The following ZNF827 variants were observed in gnomAD, a reference collection of about 807,000 sequenced individuals.
ZNF827 encodes the protein zinc finger protein 827.
ZNF827 carries 13 observed loss-of-function variants against 102.4 expected under a neutral mutation model. The ratio of observed to expected loss-of-function variants is 0.13; its 90% CI spans 0.08 to 0.20. The LOEUF (loss-of-function observed/expected upper bound fraction) is 0.20. Among genes scored for constraint, ZNF827 ranks in the 10% least tolerant of loss-of-function variants. The pLI is 1.00. For synonymous variants in ZNF827, 523 were observed against 536.2 expected (o/e 0.98, Z 0.34); for missense variants, 1,103 against 1,344.4 (o/e 0.82, Z 2.81).
At position 145,849,496 on chromosome 4, in the gene ZNF827, C is replaced by T. The variant is rs745344754; in HGVS notation, c.2047G>A (p.Asp683Asn). The T allele has an allele frequency of 1.9e-6, 3 of 1,614,134 alleles. No individual in the cohort carries two copies. Among genetic ancestry groups the T allele is most frequent in the East Asian group, 2.2e-5 (1 of 44,872 alleles). ...KEEPMEVDIQ[D>N]SHVSISPSRN... ...CTGGGTGATATCGAGACATGGGAGT[C>T]CTGGATGTCAACCTCCATGGGTTCC... Residue 683 changes from aspartate (D) to asparagine (N), a missense_variant, in exon 6 of 15, where the codon GAC becomes AAC. By Grantham distance (23) the Asp-to-Asn change is conservative. Coordinates refer to ENST00000508784, the MANE Select transcript of ZNF827 (RefSeq NM_001306215.2).
At position 145,885,644 on chromosome 4, in the gene ZNF827, GA is replaced by G. The variant is rs2126821695; in HGVS notation, c.1747+33del. 26 of 1,496,120 alleles carry G rather than the reference GA, an allele frequency of 1.7e-5. No homozygotes were observed. The South Asian group carries it at 2.9e-4, about 17-fold the overall frequency. 92.7% of individuals were successfully genotyped at this position (1,496,120 alleles called of 1,614,324 possible). On this transcript the variant is annotated intron_variant, in intron 4 of 14. Coordinates refer to ENST00000508784, the MANE Select transcript of ZNF827 (RefSeq NM_001306215.2). ...AGAGAGAGAGAGAGAGAGAGAGAGA[GA>G]GAGAGAGAGAGAATACAACCCTATT...
At chr4:145,855,748 G>C (rs572598233) in intron 5 of ZNF827, among the ~76,000 whole-genome samples, 1 of 152,298 alleles carries the variant, frequency 6.6e-6, no homozygotes, top group Admixed American at 6.5e-5. Flanking sequence ...TACATGTTTG[G>C]CTTCTCCTTC....
intron 8 of ZNF827, among the ~76,000 whole-genome samples, chr4:145,811,858 G>T (rs563322314): frequency 4.6e-5 from 7 of 152,124 alleles, no homozygotes; most frequent in African/African-American, 1.7e-4. Context: ...GATAAAAAAG[G>T]TTCTTTAAAA....
chr4:145,891,970 C>T (rs1055904815), intron 3 of ZNF827, among the ~76,000 whole-genome samples: 1 of 152,242 alleles, frequency 6.6e-6, no homozygotes, highest in African/African-American at 2.4e-5. Context: ...ACAGGCCAGG[C>T]AGGCTGTTGC....
chr4:145,881,246 T>C (rs371463975), intron 4 of ZNF827, among the ~76,000 whole-genome samples: 3 of 152,254 alleles, frequency 2.0e-5, no homozygotes, highest in East Asian at 1.9e-4. Context: ...GTTTAGCTTA[T>C]ATCCATTTGT....
chr4:145,838,076 C>T (rs1378298614), intron 7 of ZNF827, among the ~76,000 whole-genome samples: 2 of 152,102 alleles, frequency 1.3e-5, no homozygotes, highest in Non-Finnish European at 2.9e-5. Context: ...TGAGCCCAAG[C>T]CAAACCATCA....
At chr4:145,847,677 C>T (rs1454371071) in intron 6 of ZNF827, among the ~76,000 whole-genome samples, 1 of 152,128 alleles carries the variant, frequency 6.6e-6, no homozygotes. Context: ...ATGTGAGGAC[C>T]CTACACTGAC....
At chr4:145,867,570 G>C (rs1170929095) in intron 5 of ZNF827, among the ~76,000 whole-genome samples, 1 of 152,162 alleles carries the variant, frequency 6.6e-6, no homozygotes, top group East Asian at 1.9e-4. Context: ...TAACCTCAAG[G>C]AAATAAGTAA....
At chr4:145,764,847 A>G in intron 13 of ZNF827, 141 bp downstream of exon 13, 1 of 1,098,568 alleles carries the variant, frequency 9.1e-7, no homozygotes, top group Non-Finnish European at 1.4e-6. Context: ...TAAAGGCAGC[A>G]GGGGTTCCTG....
chr4:145,828,183 T>G (rs1198335952), intron 7 of ZNF827, among the ~76,000 whole-genome samples: 1 of 152,140 alleles, frequency 6.6e-6, no homozygotes, highest in Non-Finnish European at 1.5e-5. Context: ...CTCCAACTGG[T>G]TACTTCAGCC....
chr4:145,917,681 C>T (rs1464663489), intron 1 of ZNF827, among the ~76,000 whole-genome samples: 1 of 106,874 alleles, frequency 9.4e-6, no homozygotes, highest in Non-Finnish European at 1.7e-5. Flanking sequence ...GGATAAGGCT[C>T]AACTCCAAGG....
At chr4:145,918,046 G>A (rs1752794560) in intron 1 of ZNF827, among the ~76,000 whole-genome samples, 1 of 152,118 alleles carries the variant, frequency 6.6e-6, no homozygotes, top group South Asian at 2.1e-4. Flanking sequence ...GATATATTAG[G>A]TTGGGGCAGA....
chr4:145,870,238 C>A lies in ZNF827; in HGVS notation c.1981+7G>T. On this transcript the variant is annotated splice_region_variant and intron_variant, in intron 5 of 14. Transcript: ENST00000508784. ...AGAATGTGAATATTTTAGAATAAAT[C>A]AAGTACCTGAGAGTTTCATGAGAAG... 2 of 1,612,658 alleles carry A rather than the reference C, an allele frequency of 1.2e-6. No homozygotes were observed. The highest frequency in any genetic ancestry group is 2.2e-5 in the South Asian group (2 of 90,948).
intron 3 of ZNF827, among the ~76,000 whole-genome samples, chr4:145,887,236 C>T (rs1750189802): frequency 6.6e-6 from 1 of 152,022 alleles, no homozygotes; most frequent in Non-Finnish European, 1.5e-5. Context: ...GTGACCTAAG[C>T]AGGACTCGAA....
chr4:145,781,632 G>T (rs1242117497), intron 8 of ZNF827, among the ~76,000 whole-genome samples: 1 of 152,146 alleles, frequency 6.6e-6, no homozygotes, highest in Non-Finnish European at 1.5e-5. Context: ...CAGAAATGTG[G>T]GTGAAGAGAA....
intron 8 of ZNF827, among the ~76,000 whole-genome samples, chr4:145,804,444 T>C (rs1741210740): frequency 6.6e-6 from 1 of 151,904 alleles, no homozygotes; most frequent in South Asian, 2.1e-4. Flanking sequence ...ATAATCACTT[T>C]TTTTCTGGTG....
In ZNF827 at chr4:145,870,416, C is replaced by T. The variant is rs1561021983; in HGVS notation, c.1810G>A (p.Glu604Lys). Residue 604 changes from glutamate (E) to lysine (K), a missense_variant, in exon 5 of 15, where the codon GAG becomes AAG. Glu to Lys is a moderately conservative substitution (Grantham distance 56, BLOSUM62 1). This residue lies in a region of ZNF827 where 243 missense variants were observed against 251.6 expected (regional missense o/e 0.97). Coordinates refer to ENST00000508784, the MANE Select transcript of ZNF827 (RefSeq NM_001306215.2). Reference protein sequence around the residue: ...FKVKEEPKEGESLSTTLPRSS... With the variant: ...FKVKEEPKEGKSLSTTLPRSS... ...CGAGGCAAAGTCGTGCTTAGGGACT[C>T]CCCTTCCTTAGGCTCCTCTTTCACT... 5.0e-6 allele frequency: 8 copies of T among 1,614,008 alleles called. No individual in the cohort carries two copies. Among genetic ancestry groups the T allele is most frequent in the South Asian group, 2.2e-5 (2 of 91,082 alleles).
chr4:145,857,788 CTTG>C (rs1229196246), intron 5 of ZNF827, among the ~76,000 whole-genome samples: 1 of 152,086 alleles, frequency 6.6e-6, no homozygotes, highest in Admixed American at 6.5e-5. Context: ...TCCCAATCAT[CTTG>C]TTTTCTTTTC....
chr4:145,918,332 C>CAAAAAAAA lies in ZNF827; in HGVS notation c.44-15125_44-15118dup, dbSNP rs34428145. ...CATAAAAACTATTCTTAGCTCAAGG[C>CAAAAAAAA]AAAAAAAAAAAAAAAAAAAAAAAAA... On this transcript the variant is annotated intron_variant, in intron 1 of 14. Transcript: ENST00000508784. Among the ~76,000 whole-genome samples the CAAAAAAAA allele has an allele frequency of 1.4e-4, 3 of 22,128 alleles. 1 individual carries two copies. Among genetic ancestry groups the CAAAAAAAA allele is most frequent in the Admixed American group, 1.4e-3 (2 of 1,412 alleles). 14.5% of individuals were successfully genotyped at this position (22,128 alleles called of 152,430 possible). A position where few individuals can be genotyped will look rare whatever the true frequency, so the allele number is the denominator to read the frequency against.
Sources: allele counts gnomAD v4.1 joint callset (sites outside exome capture counted in the v4.1 genomes callset), GRCh38; gene constraint gnomAD v4.1.1; regional missense constraint gnomAD v4.1.1; transcripts MANE v1.5; gene names NCBI Gene and HGNC (gene_info 2026-07-23, HGNC 2026-07-21).